The following CNTNAP2 variants were observed in gnomAD, a reference collection of about 807,000 sequenced individuals.
CNTNAP2 encodes contactin-associated protein-like 2.
Under a neutral mutation model 155.2 loss-of-function variants are expected in CNTNAP2, and 98 were observed. That is an observed-to-expected ratio of 0.63 (90% CI 0.54 to 0.75). The LOEUF is 0.75. Among genes scored for constraint, CNTNAP2 ranks in the 30% least tolerant of loss-of-function variants. CNTNAP2 has a pLI of 0.00. For missense variants in CNTNAP2, 1,727 were observed against 1,688.1 expected (o/e 1.02, Z -0.40); for synonymous variants, 651 against 631.2 (o/e 1.03, Z -0.47).
intron 1 of CNTNAP2, among the ~76,000 whole-genome samples, chr7:146,694,142 ATGAAC>A (rs1320230791): frequency 6.6e-6 from 1 of 152,230 alleles, no homozygotes; most frequent in African/African-American, 2.4e-5. Context: ...AAGGTAAGTG[ATGAAC>A]TGAGAGAAGC....
At chr7:148,113,717 G>C (rs1220464260) in intron 15 of CNTNAP2, among the ~76,000 whole-genome samples, 1 of 152,186 alleles carries the variant, frequency 6.6e-6, no homozygotes, top group Non-Finnish European at 1.5e-5. Context: ...CTTGCCACAC[G>C]TGATGAGCCC....
At chr7:146,432,023 T>C (rs1225888100) in intron 1 of CNTNAP2, among the ~76,000 whole-genome samples, 1 of 152,108 alleles carries the variant, frequency 6.6e-6, no homozygotes, top group Non-Finnish European at 1.5e-5. Context: ...CTTGTGGTCC[T>C]ACTGAAAAGT....
At chr7:146,385,864 A>T (rs1425437553) in intron 1 of CNTNAP2, among the ~76,000 whole-genome samples, 1 of 152,238 alleles carries the variant, frequency 6.6e-6, no homozygotes, top group African/African-American at 2.4e-5. Flanking sequence ...ATTGTATTAC[A>T]ACTGTTTTAA....
rs570304617 is a variant in CNTNAP2, at chr7:146,352,818, G to A, written c.97+235845G>A. The stretch of plus-strand genomic sequence containing the variant: ...CGCCCAGGCTGGAGTTCAGTGGTGC[G>A]ATCTCGGCTCACTGCAAGCTCCGCC... On this transcript the variant is annotated intron_variant, in intron 1 of 23. Coordinates refer to ENST00000361727, the MANE Select transcript of CNTNAP2 (RefSeq NM_014141.6). 3.5e-3 allele frequency among the ~76,000 whole-genome samples: 460 copies of A among 132,980 alleles called. 1 individual carries two copies. The highest frequency in any genetic ancestry group is 5.7e-3 in the Non-Finnish European group (377 of 65,854). The allele number at this position is 132,980 out of a possible 152,430, so 87.2% of individuals were successfully genotyped here.
chr7:147,353,697 GTCTAGAT>G (rs1272036474), intron 9 of CNTNAP2, among the ~76,000 whole-genome samples: 1 of 151,802 alleles, frequency 6.6e-6, no homozygotes, highest in African/African-American at 2.4e-5. Context: ...GTATTTCTGG[GTCTAGAT>G]CCTTGAGGAA....
At chr7:147,464,179 G>T (rs1798072268) in intron 10 of CNTNAP2, among the ~76,000 whole-genome samples, 1 of 151,976 alleles carries the variant, frequency 6.6e-6, no homozygotes, top group African/African-American at 2.4e-5. Flanking sequence ...GCATTAAAAA[G>T]TACTAGGGCA....
chr7:146,537,230 A>G (rs922247452), intron 1 of CNTNAP2, among the ~76,000 whole-genome samples: 1 of 152,138 alleles, frequency 6.6e-6, no homozygotes, highest in Admixed American at 6.6e-5. Context: ...GAGAAAAGGT[A>G]TTTAGGAGAT....
chr7:146,493,643 G>A (rs1016501495), intron 1 of CNTNAP2, among the ~76,000 whole-genome samples: 1 of 152,076 alleles, frequency 6.6e-6, no homozygotes, highest in Non-Finnish European at 1.5e-5. Context: ...AATTATTAAA[G>A]GTAGTTAAGA....
At chr7:146,867,850 G>A (rs2129206624) in intron 3 of CNTNAP2, among the ~76,000 whole-genome samples, 1 of 149,102 alleles carries the variant, frequency 6.7e-6, no homozygotes, top group Non-Finnish European at 1.5e-5. Context: ...CATGTCCTTT[G>A]CCCACTTTTT....
At chr7:146,893,973 A>G (rs114019428) in intron 3 of CNTNAP2, among the ~76,000 whole-genome samples, 253 of 152,238 alleles carry the variant, frequency 1.7e-3, no homozygotes, top group African/African-American at 5.7e-3. Context: ...CTTTAAGACT[A>G]TGTTCTTGAA....
chr7:147,398,924 CA>C, intron 10 of CNTNAP2, among the ~76,000 whole-genome samples: 1 of 151,736 alleles, frequency 6.6e-6, no homozygotes, highest in Non-Finnish European at 1.5e-5. Flanking sequence ...AATACTAGAA[CA>C]AAACAAGGAA....
intron 3 of CNTNAP2, among the ~76,000 whole-genome samples, chr7:146,981,423 G>A (rs976394126): frequency 6.6e-6 from 1 of 152,126 alleles, no homozygotes; most frequent in African/African-American, 2.4e-5. Flanking sequence ...GCCATTTTCA[G>A]AATAAACTTG....
At chr7:146,474,628 C>T (rs531910190) in intron 1 of CNTNAP2, among the ~76,000 whole-genome samples, 2 of 151,884 alleles carry the variant, frequency 1.3e-5, no homozygotes, top group East Asian at 1.9e-4. Flanking sequence ...AATCATCAAT[C>T]GATCTGAAAA....
At chr7:148,017,203 A>G (rs1453188041) in intron 15 of CNTNAP2, among the ~76,000 whole-genome samples, 1 of 152,206 alleles carries the variant, frequency 6.6e-6, no homozygotes, top group Non-Finnish European at 1.5e-5. Context: ...GGAAATGGGC[A>G]TTTTCCCTGA....
At chr7:146,855,850 T>C (rs867009651) in intron 3 of CNTNAP2, among the ~76,000 whole-genome samples, 39 of 94,058 alleles carry the variant, frequency 4.1e-4, no homozygotes, top group Middle Eastern at 6.3e-3. Context: ...TATATATATA[T>C]ATACACACTT....
chr7:147,093,438 A>C (rs958961653), intron 4 of CNTNAP2, among the ~76,000 whole-genome samples: 1 of 152,128 alleles, frequency 6.6e-6, no homozygotes, highest in Non-Finnish European at 1.5e-5. Context: ...AGGTAAATAA[A>C]TGCAACGTAA....
intron 12 of CNTNAP2, among the ~76,000 whole-genome samples, chr7:147,599,328 A>T (rs1399162560): frequency 8.6e-5 from 13 of 151,776 alleles, no homozygotes; most frequent in Admixed American, 1.3e-4. Context: ...AAAATAAAAT[A>T]AAAATTAAAA....
chr7:146,156,528 AGTG>A (rs1798128847), intron 1 of CNTNAP2, among the ~76,000 whole-genome samples: 2 of 152,254 alleles, frequency 1.3e-5, no homozygotes, highest in Middle Eastern at 3.2e-3. Flanking sequence ...TATGTAAAAT[AGTG>A]GTCACAGCTA....
chr7:148,345,252 T>C (rs530999679), intron 21 of CNTNAP2, among the ~76,000 whole-genome samples: 60 of 152,260 alleles, frequency 3.9e-4, no homozygotes, highest in Middle Eastern at 6.8e-3. Flanking sequence ...GGGCAGACTT[T>C]CATTCAAGGT....
Sources: gnomAD v4.1 joint callset for allele counts (sites outside exome capture counted in the v4.1 genomes callset) on GRCh38, gnomAD v4.1.1 for gene constraint, MANE v1.5 for transcripts, NCBI Gene and HGNC (gene_info 2026-07-23, HGNC 2026-07-21) for gene names.